ADGRB3: variants seen among roughly 807,000 people sequenced by gnomAD.
ADGRB3 encodes brain-specific angiogenesis inhibitor 3.
Under a neutral mutation model 193.4 loss-of-function variants are expected in ADGRB3, and 37 were observed. The observed-to-expected ratio is 0.19, with a 90% CI of 0.15 to 0.25. The LOEUF is 0.25. Among genes scored for constraint, ADGRB3 ranks in the 10% least tolerant of loss-of-function variants. The probability of loss-of-function intolerance (pLI) is 1.00; values close to 1 mark genes in which losing one functional copy is unlikely to be tolerated. For missense variants in ADGRB3, 1,637 were observed against 1,852.9 expected, an observed-to-expected ratio of 0.88 and a Z score of 2.14; for synonymous variants, 690 against 644.2, an observed-to-expected ratio of 1.07 and a Z score of -1.08.
Position 68,710,195 on chromosome 6 carries a change from GA to G in ADGRB3, c.757+70765del, listed in dbSNP as rs543564724. On this transcript the variant is annotated intron_variant, in intron 3 of 31. Coordinates refer to ENST00000370598, the MANE Select transcript of ADGRB3 (RefSeq NM_001704.3). ...TAATGCTTTTGTAGAAAAGTGTTCT[GA>G]ATATAACTTTTAACCTGAGATCTTA... Among the ~76,000 whole-genome samples, 459 of 152,236 alleles carry G rather than the reference GA, an allele frequency of 3.0e-3. 1 individual carries two copies. Among genetic ancestry groups the G allele is most frequent in the Non-Finnish European group, 4.5e-3 (308 of 68,012 alleles).
At chr6:69,139,273 G>A (rs1380810234) in intron 17 of ADGRB3, among the ~76,000 whole-genome samples, 1 of 152,162 alleles carries the variant, frequency 6.6e-6, no homozygotes, top group Non-Finnish European at 1.5e-5. Flanking sequence ...AGTCCCATAA[G>A]GACTTGTCCC....
chr6:68,755,281 G>T (rs1311232530), intron 3 of ADGRB3, among the ~76,000 whole-genome samples: 1 of 152,160 alleles, frequency 6.6e-6, no homozygotes, highest in Non-Finnish European at 1.5e-5. Flanking sequence ...CAAATATGCT[G>T]ACATCAATGA....
chr6:68,755,712 A>G (rs1009790727), intron 3 of ADGRB3, among the ~76,000 whole-genome samples: 1 of 152,176 alleles, frequency 6.6e-6, no homozygotes, highest in African/African-American at 2.4e-5. Context: ...GGGAAGATTC[A>G]AAGTATTTAT....
intron 20 of ADGRB3, among the ~76,000 whole-genome samples, chr6:69,297,340 A>ATATCTCTC (rs535317410): frequency 1.8e-5 from 2 of 111,912 alleles, no homozygotes; most frequent in African/African-American, 3.6e-5. Flanking sequence ...TTCTACTGAT[A>ATATCTCTC]TCTCTCTCTC....
intron 3 of ADGRB3, among the ~76,000 whole-genome samples, chr6:68,710,106 G>T (rs1307171230): frequency 6.6e-6 from 1 of 152,182 alleles, no homozygotes; most frequent in African/African-American, 2.4e-5. Context: ...TCCAGCTCCA[G>T]AGCTCATGCT....
At position 69,110,933 on chromosome 6, in the gene ADGRB3, T is replaced by C. The variant is rs750329695; in HGVS notation, c.2480+34895T>C. 9.2e-5 allele frequency among the ~76,000 whole-genome samples: 14 copies of C among 152,224 alleles called. 1 individual carries two copies. The highest frequency in any genetic ancestry group is 2.6e-4 in the Admixed American group (4 of 15,278). ...CAATCTCAGAAAAATAGAGCCCATC[T>C]AGGAAAATCATGAAAGGAAATTACG... On this transcript the variant is annotated intron_variant, in intron 17 of 31. Coordinates refer to ENST00000370598, the MANE Select transcript of ADGRB3 (RefSeq NM_001704.3).
intron 13 of ADGRB3, among the ~76,000 whole-genome samples, chr6:69,022,626 C>T (rs1320946607): frequency 3.3e-5 from 5 of 151,920 alleles, no homozygotes; most frequent in African/African-American, 1.2e-4. Context: ...GCTAACCACT[C>T]TTTCTTGATA....
intron 3 of ADGRB3, among the ~76,000 whole-genome samples, chr6:68,765,088 A>C (rs1269041791): frequency 6.6e-6 from 1 of 152,212 alleles, no homozygotes; most frequent in Non-Finnish European, 1.5e-5. Context: ...CTCAGGGTTC[A>C]TGTGAAGACC....
chr6:69,340,599 A>G (rs1021906454), intron 26 of ADGRB3, among the ~76,000 whole-genome samples: 1 of 152,060 alleles, frequency 6.6e-6, no homozygotes, highest in Admixed American at 6.6e-5. Context: ...GGGAAGAACA[A>G]TATTTCTGAG....
chr6:68,971,719 C>A (rs1209845922), intron 8 of ADGRB3, among the ~76,000 whole-genome samples: 1 of 152,204 alleles, frequency 6.6e-6, no homozygotes, highest in Non-Finnish European at 1.5e-5. Context: ...GCATGACTGC[C>A]ATATAACAAG....
chr6:68,890,615 TC>T (rs1232085196), intron 3 of ADGRB3, among the ~76,000 whole-genome samples: 1 of 152,242 alleles, frequency 6.6e-6, no homozygotes, highest in African/African-American at 2.4e-5. Flanking sequence ...TGTACACTAT[TC>T]TTGATCTTAG....
At chr6:69,061,226 C>T (rs1771738330) in intron 15 of ADGRB3, among the ~76,000 whole-genome samples, 1 of 151,986 alleles carries the variant, frequency 6.6e-6, no homozygotes, top group Non-Finnish European at 1.5e-5. Context: ...GACATTACTG[C>T]ATACATGAGA....
At chr6:68,647,937 A>T (rs1400940274) in intron 3 of ADGRB3, among the ~76,000 whole-genome samples, 1 of 152,170 alleles carries the variant, frequency 6.6e-6, no homozygotes, top group Non-Finnish European at 1.5e-5. Context: ...ATGCTTACAT[A>T]ATTAGATACT....
intron 17 of ADGRB3, among the ~76,000 whole-genome samples, chr6:69,132,960 G>A (rs371664561): frequency 9.2e-5 from 14 of 151,930 alleles, no homozygotes; most frequent in African/African-American, 3.4e-4. Flanking sequence ...ATTTCTGAGG[G>A]CTCTGTTCTG....
At chr6:69,381,977 G>A (rs1387284710) in intron 30 of ADGRB3, among the ~76,000 whole-genome samples, 2 of 151,692 alleles carry the variant, frequency 1.3e-5, no homozygotes, top group African/African-American at 4.8e-5. Context: ...CAAATACAGG[G>A]CACTTATTAT....
At chr6:69,117,526 A>T (rs1403500928) in intron 17 of ADGRB3, among the ~76,000 whole-genome samples, 1 of 152,240 alleles carries the variant, frequency 6.6e-6, no homozygotes, top group African/African-American at 2.4e-5. Context: ...AAGTAATATC[A>T]GAGCCATATT....
intron 3 of ADGRB3, among the ~76,000 whole-genome samples, chr6:68,810,658 T>C (rs1767493186): frequency 6.6e-6 from 1 of 151,916 alleles, no homozygotes; most frequent in Non-Finnish European, 1.5e-5. Context: ...ATAAGAAAAA[T>C]ACAAAATACA....
chr6:68,974,802 T>C lies in ADGRB3; in HGVS notation c.1565T>C (p.Met522Thr), dbSNP rs746241352. 1.2e-6 allele frequency: 2 copies of C among 1,614,018 alleles called. No homozygotes were observed. Among genetic ancestry groups the C allele is most frequent in the East Asian group, 2.2e-5 (1 of 44,864 alleles). The change falls in exon 9 of 32, where the codon ATG (methionine) becomes ACG (threonine). Residue 522 changes from methionine to threonine, a missense_variant. Physicochemically the swap from Met to Thr is moderately conservative, Grantham distance 81 (BLOSUM62 -1). Transcript: ENST00000370598. ...TGCCCTGAGGATTATCTGATGTCGA[T>C]GGTGTGGAAAAGAACTCCAGCAGGC... ...EICPEDYLMS[M>T]VWKRTPAGDL... is the part of the protein sequence containing the mutation.
chr6:68,829,977 T>C (rs1454260960), intron 3 of ADGRB3, among the ~76,000 whole-genome samples: 1 of 152,186 alleles, frequency 6.6e-6, no homozygotes, highest in Non-Finnish European at 1.5e-5. Flanking sequence ...ATACCAAGTA[T>C]ACTAAATTAT....
Sources: allele counts gnomAD v4.1 joint callset (sites outside exome capture counted in the v4.1 genomes callset), GRCh38; gene constraint gnomAD v4.1.1; transcripts MANE v1.5; gene names NCBI Gene and HGNC (gene_info 2026-07-23, HGNC 2026-07-21).